PARVB: variants seen among roughly 807,000 people sequenced by gnomAD.
PARVB encodes parvin beta.
A neutral mutation model predicts 47.0 loss-of-function variants in PARVB; 46 were observed. The ratio of observed to expected loss-of-function variants is 0.98; its 90% CI spans 0.77 to 1.25. PARVB has a LOEUF of 1.25. PARVB is among the 50% of genes most tolerant of loss of function. PARVB has a pLI of 0.00. For missense variants in PARVB, 473 were observed against 471.6 expected (o/e 1.00, Z -0.03); for synonymous variants, 196 against 196.3 (o/e 1.00, Z 0.01).
chr22:44,046,208 G>A (rs753377144), intron 1 of PARVB, among the ~76,000 whole-genome samples: 79 of 152,334 alleles, frequency 5.2e-4, no homozygotes, highest in Non-Finnish European at 9.1e-4. Context: ...GCCAGTGGTC[G>A]CTGAGCCCAG....
At chr22:44,149,382 C>T (rs1051839823) in intron 9 of PARVB, 1 of 152,288 alleles carries the variant, frequency 6.6e-6, no homozygotes, top group Admixed American at 6.5e-5. Flanking sequence ...CTCACCTCCA[C>T]ATTGCAAGTT....
intron 1 of PARVB, among the ~76,000 whole-genome samples, chr22:44,069,852 C>G (rs148562240): frequency 5.9e-5 from 9 of 152,240 alleles, no homozygotes; most frequent in African/African-American, 1.7e-4. Context: ...TAGTGGTCTT[C>G]GGTTCTGTGT....
chr22:44,030,355 T>G (rs1027834129), intron 1 of PARVB, among the ~76,000 whole-genome samples: 3 of 152,154 alleles, frequency 2.0e-5, no homozygotes, highest in Middle Eastern at 3.4e-3. Flanking sequence ...CTAGGATGGA[T>G]GTAAATTAGC....
At chr22:44,161,122 T>C (rs1328348833) in intron 11 of PARVB, among the ~76,000 whole-genome samples, 1 of 152,062 alleles carries the variant, frequency 6.6e-6, no homozygotes, top group African/African-American at 2.4e-5. Context: ...TGTGTGTGTG[T>C]GTGTGTGCAC....
intron 1 of PARVB, among the ~76,000 whole-genome samples, chr22:44,051,092 CT>C: frequency 6.6e-6 from 1 of 152,314 alleles, no homozygotes; most frequent in South Asian, 2.1e-4. Context: ...AGCATCTGTG[CT>C]GAGTAACAGC....
chr22:44,095,065 G>A (rs930406252), intron 2 of PARVB, among the ~76,000 whole-genome samples: 11 of 145,718 alleles, frequency 7.5e-5, no homozygotes, highest in African/African-American at 2.7e-4. Flanking sequence ...AGGTGGCTGG[G>A]GACTCTGGGC....
intron 1 of PARVB, among the ~76,000 whole-genome samples, chr22:44,083,586 G>A (rs1438775901): frequency 3.3e-5 from 5 of 152,162 alleles, no homozygotes; most frequent in Non-Finnish European, 7.3e-5. Flanking sequence ...AATGGGTGGA[G>A]CTAGCTGACC....
chr22:44,145,760 C>T (rs1347723794), intron 8 of PARVB: 1 of 152,212 alleles, frequency 6.6e-6, no homozygotes, highest in Admixed American at 6.5e-5. Context: ...CCCGATGTCT[C>T]CTTGAGTGGC....
At chr22:44,087,119 G>T (rs1175051883) in intron 1 of PARVB, 1 of 152,220 alleles carries the variant, frequency 6.6e-6, no homozygotes, top group Non-Finnish European at 1.5e-5. Context: ...TAAAACTGGG[G>T]CAGCTTTCCT....
intron 1 of PARVB, among the ~76,000 whole-genome samples, chr22:44,090,799 G>A (rs2052148603): frequency 1.3e-5 from 2 of 152,260 alleles, no homozygotes; most frequent in Admixed American, 1.3e-4. Context: ...TGCCCCTGTT[G>A]TGTCCTCCTA....
chr22:44,057,708 G>A (rs1418452689), intron 1 of PARVB, among the ~76,000 whole-genome samples: 1 of 152,148 alleles, frequency 6.6e-6, no homozygotes, highest in Non-Finnish European at 1.5e-5. Flanking sequence ...GACTGAGAGA[G>A]GAGTCAGTCT....
chr22:44,016,099 C>CTTT (rs562590606), intron 2 of PARVB, among the ~76,000 whole-genome samples: 3,760 of 129,160 alleles, frequency 0.029, 256 homozygotes, highest in African/African-American at 0.1. Context: ...TTCTTTCTTT[C>CTTT]TTTTTTTTTT....
At chr22:44,163,303 T>TA (rs2054092848) in intron 11 of PARVB, among the ~76,000 whole-genome samples, 1 of 151,670 alleles carries the variant, frequency 6.6e-6, no homozygotes, top group African/African-American at 2.4e-5. Flanking sequence ...AACCCGTCTC[T>TA]AAAAAAAATA....
chr22:44,058,301 C>T (rs2051352437), intron 1 of PARVB, among the ~76,000 whole-genome samples: 1 of 152,026 alleles, frequency 6.6e-6, no homozygotes, highest in Non-Finnish European at 1.5e-5. Context: ...GCAGTCCTGG[C>T]ATATCTTGAT....
chr22:44,063,583 G>C (rs559391402), intron 1 of PARVB, among the ~76,000 whole-genome samples: 1 of 152,114 alleles, frequency 6.6e-6, no homozygotes, highest in Non-Finnish European at 1.5e-5. Flanking sequence ...TGTGGTCTCC[G>C]TCCTCAGCGT....
At chr22:44,115,313 C>T (rs1296164731) in intron 3 of PARVB, 1 of 43,978 alleles carries the variant, frequency 2.3e-5, no homozygotes, top group African/African-American at 1.4e-4. Flanking sequence ...TAACTAAGGC[C>T]CTGCACCAGA....
At chr22:44,027,914 C>CATATATATATATATAT (rs3083338) in intron 1 of PARVB, among the ~76,000 whole-genome samples, 140 of 133,216 alleles carry the variant, frequency 1.1e-3, no homozygotes, top group African/African-American at 2.4e-3. Flanking sequence ...AAAAAAAAAC[C>CATATATATATATATAT]ATATATATAT....
In PARVB at chr22:44,093,767, C is replaced by A. The variant is rs564478915; in HGVS notation, c.113-161C>A. On this transcript the variant is annotated intron_variant, in intron 1 of 12. Coordinates refer to ENST00000338758, the MANE Select transcript of PARVB (RefSeq NM_013327.5). Reference sequence around the variant, plus strand: ...TGCAGAATGTATTCTTGGTTCAGAGCATTTTTCCCTCTGACTCTTTCTGGG... The same window carrying A: ...TGCAGAATGTATTCTTGGTTCAGAGAATTTTTCCCTCTGACTCTTTCTGGG... Among the ~76,000 whole-genome samples the A allele has an allele frequency of 2.0e-5, 3 of 152,206 alleles. No homozygotes were observed. In the South Asian group the frequency reaches 6.2e-4, roughly 31 times the overall value.
chr22:44,148,745 A>G (rs1171110485), intron 9 of PARVB: 1 of 152,196 alleles, frequency 6.6e-6, no homozygotes, highest in Non-Finnish European at 1.5e-5. Context: ...TTGTTTGTTT[A>G]TAGTGGGATT....
Sources: allele counts gnomAD v4.1 joint callset (sites outside exome capture counted in the v4.1 genomes callset), GRCh38; gene constraint gnomAD v4.1.1; transcripts MANE v1.5; gene names NCBI Gene and HGNC (gene_info 2026-07-23, HGNC 2026-07-21).